The following PIP5K1B variants were observed in gnomAD, a reference collection of about 807,000 sequenced individuals.
PIP5K1B encodes phosphatidylinositol-4-phosphate 5-kinase type 1 beta.
PIP5K1B carries 42 observed loss-of-function variants against 67.0 expected under a neutral mutation model. The ratio of observed to expected loss-of-function variants is 0.63; its 90% CI spans 0.49 to 0.81. The LOEUF is 0.81. PIP5K1B is among the 30% of genes least tolerant of loss of function. The pLI, the probability that PIP5K1B is intolerant of heterozygous loss-of-function variation, is 0.00. For synonymous variants in PIP5K1B, 214 were observed against 231.4 expected (o/e 0.92, Z 0.68); for missense variants, 459 against 646.3 (o/e 0.71, Z 3.14).
chr9:68,931,248 G>A (rs1396908586), intron 12 of PIP5K1B, among the ~76,000 whole-genome samples: 1 of 152,132 alleles, frequency 6.6e-6, no homozygotes, highest in Non-Finnish European at 1.5e-5. Context: ...AAGTACTAAA[G>A]CTTAGTTTCC....
chr9:68,865,169 C>T (rs12377033), intron 5 of PIP5K1B, among the ~76,000 whole-genome samples: 14,267 of 152,022 alleles, frequency 0.094, 843 homozygotes, highest in Non-Finnish European at 0.14. Context: ...CCTCTAGCAG[C>T]CATGAGAACC....
chr9:68,926,074 C>T (rs1385816753), intron 12 of PIP5K1B, among the ~76,000 whole-genome samples: 1 of 151,936 alleles, frequency 6.6e-6, no homozygotes, highest in East Asian at 1.9e-4. Flanking sequence ...GGATTACAGG[C>T]TTAAGCCACC....
intron 4 of PIP5K1B, among the ~76,000 whole-genome samples, chr9:68,853,458 A>G (rs929121933): frequency 7.9e-5 from 12 of 152,220 alleles, no homozygotes; most frequent in African/African-American, 2.9e-4. Context: ...TCTCAAGCCT[A>G]GAGAAGGGGG....
At position 68,797,368 on chromosome 9, in the gene PIP5K1B, C is replaced by T. The variant is rs1015885256; in HGVS notation, c.-85-21093C>T. On this transcript the variant is annotated intron_variant, in intron 2 of 15. Coordinates refer to ENST00000265382, the MANE Select transcript of PIP5K1B (RefSeq NM_003558.4). ...CAAGGGGTACATGATGAGTGTCATT[C>T]AATATGTGCAAAGAACAGAGTATAT... Among the ~76,000 whole-genome samples, 8 of 152,300 alleles carry T rather than the reference C, an allele frequency of 5.3e-5. No homozygotes were observed. In the East Asian group the frequency reaches 1.3e-3, roughly 26 times the overall value.
chr9:68,724,045 G>A (rs759753434), intron 1 of PIP5K1B, among the ~76,000 whole-genome samples: 2 of 151,700 alleles, frequency 1.3e-5, no homozygotes, highest in African/African-American at 2.4e-5. Flanking sequence ...GTTGATTTTT[G>A]TATATGGTAA....
chr9:68,824,001 T>C (rs1833859140), intron 4 of PIP5K1B: 1 of 456,728 alleles, frequency 2.2e-6, no homozygotes, highest in South Asian at 1.7e-5. Context: ...GGAAAAGAGT[T>C]GGGTAAAGAT....
Position 68,877,159 on chromosome 9 carries a change from C to T in PIP5K1B, c.318+365C>T, listed in dbSNP as rs189616414. Reference sequence around the variant, plus strand: ...TAATTGCCTTATTTGTACCATTCCTCTCAACTACCTTGGCCCACAATCATT... The same window carrying T: ...TAATTGCCTTATTTGTACCATTCCTTTCAACTACCTTGGCCCACAATCATT... On this transcript the variant is annotated intron_variant, in intron 6 of 15. Transcript: ENST00000265382. 9.3e-4 allele frequency among the ~76,000 whole-genome samples: 142 copies of T among 152,324 alleles called. 1 individual carries two copies. The East Asian group carries it at 0.024, about 26-fold the overall frequency.
At chr9:68,848,204 A>AT (rs1207322023) in intron 4 of PIP5K1B, among the ~76,000 whole-genome samples, 4 of 152,256 alleles carry the variant, frequency 2.6e-5, no homozygotes, top group African/African-American at 9.6e-5. Context: ...CCATGAACAT[A>AT]TTCCATTCAT....
chr9:68,942,561 C>T (rs1827617142), intron 14 of PIP5K1B, among the ~76,000 whole-genome samples: 1 of 152,072 alleles, frequency 6.6e-6, no homozygotes. Flanking sequence ...CTGGCAGGGC[C>T]TCCTCCTGAC....
intron 2 of PIP5K1B, among the ~76,000 whole-genome samples, chr9:68,756,788 G>C (rs1829947832): frequency 6.6e-6 from 1 of 152,100 alleles, no homozygotes; most frequent in Non-Finnish European, 1.5e-5. Flanking sequence ...AATATAATGA[G>C]AGGCACATAT....
intron 4 of PIP5K1B, among the ~76,000 whole-genome samples, chr9:68,851,763 A>G (rs1225518270): frequency 6.6e-6 from 1 of 152,242 alleles, no homozygotes; most frequent in East Asian, 1.9e-4. Context: ...ATTTGCATAG[A>G]GGCAAGAGGA....
At chr9:68,708,944 C>T (rs1472864024) in intron 1 of PIP5K1B, among the ~76,000 whole-genome samples, 2 of 152,056 alleles carry the variant, frequency 1.3e-5, no homozygotes, top group East Asian at 1.9e-4. Context: ...TTAGAAGTAC[C>T]GTTTATGGGT....
intron 2 of PIP5K1B, among the ~76,000 whole-genome samples, chr9:68,793,908 C>G (rs1296493521): frequency 2.6e-5 from 4 of 152,148 alleles, no homozygotes; most frequent in Non-Finnish European, 5.9e-5. Context: ...AACCTTGAAG[C>G]ATTCTATAAC....
chr9:68,868,685 C>G (rs1823476855), intron 5 of PIP5K1B, among the ~76,000 whole-genome samples: 1 of 152,218 alleles, frequency 6.6e-6, no homozygotes, highest in African/African-American at 2.4e-5. Context: ...AATCTGTTCT[C>G]CAGGAGACAC....
At chr9:68,777,970 C>T (rs1831003678) in intron 2 of PIP5K1B, among the ~76,000 whole-genome samples, 1 of 152,166 alleles carries the variant, frequency 6.6e-6, no homozygotes, top group African/African-American at 2.4e-5. Context: ...GTCTCCTGTT[C>T]ATCCTCTGCA....
chr9:68,739,713 C>G (rs891127315), intron 1 of PIP5K1B: 1 of 152,234 alleles, frequency 6.6e-6, no homozygotes, highest in Non-Finnish European at 1.5e-5. Context: ...AGCATTTTCA[C>G]GCTTTCAGTG....
chr9:68,853,273 G>C (rs1822587402), intron 4 of PIP5K1B, among the ~76,000 whole-genome samples: 1 of 152,212 alleles, frequency 6.6e-6, no homozygotes, highest in South Asian at 2.1e-4. Context: ...GTGCCAGCCT[G>C]CCATGTAGAA....
chr9:68,988,143 T>C (rs1485350114), intron 14 of PIP5K1B, among the ~76,000 whole-genome samples: 1 of 152,160 alleles, frequency 6.6e-6, no homozygotes. Flanking sequence ...GAAAAAATGC[T>C]TATGGGTATT....
intron 2 of PIP5K1B, among the ~76,000 whole-genome samples, chr9:68,745,635 C>T (rs1829258204): frequency 6.6e-6 from 1 of 152,170 alleles, no homozygotes; most frequent in African/African-American, 2.4e-5. Context: ...CATCCTGCTC[C>T]AAGGGCCTGT....
Sources: allele counts gnomAD v4.1 joint callset (sites outside exome capture counted in the v4.1 genomes callset), GRCh38; gene constraint gnomAD v4.1.1; transcripts MANE v1.5; gene names NCBI Gene and HGNC (gene_info 2026-07-23, HGNC 2026-07-21).